NUCKS1: variants seen among roughly 807,000 people sequenced by gnomAD.
NUCKS1 encodes nuclear casein kinase and cyclin dependent kinase substrate 1, also known as nuclear ubiquitous casein and cyclin-dependent kinase substrate 1.
In NUCKS1, 2 loss-of-function variants were observed where a neutral mutation model predicts 33.0. The ratio of observed to expected loss-of-function variants is 0.06; its 90% CI spans 0.02 to 0.19. The LOEUF is 0.19. NUCKS1 is among the 10% of genes least tolerant of loss of function. The probability of loss-of-function intolerance (pLI) is 1.00; values close to 1 mark genes in which losing one functional copy is unlikely to be tolerated. For synonymous variants in NUCKS1, 106 were observed against 102.8 expected (o/e 1.03, Z -0.19); for missense variants, 201 against 293.6 (o/e 0.68, Z 2.31).
chr1:205,739,503 C>T (rs1654113136), intron 1 of NUCKS1, among the ~76,000 whole-genome samples: 1 of 152,012 alleles, frequency 6.6e-6, no homozygotes, highest in Non-Finnish European at 1.5e-5. Flanking sequence ...GACGGGGTCT[C>T]ACTCTGCTGC....
At chr1:205,733,339 G>T (rs1653961112) in intron 1 of NUCKS1, among the ~76,000 whole-genome samples, 1 of 152,200 alleles carries the variant, frequency 6.6e-6, no homozygotes, top group Admixed American at 6.5e-5. Context: ...GAAAGGAGTA[G>T]TAGAGGTACA....
chr1:205,731,657 C>G (rs1329773063), intron 1 of NUCKS1, among the ~76,000 whole-genome samples: 1 of 152,002 alleles, frequency 6.6e-6, no homozygotes, highest in Non-Finnish European at 1.5e-5. Flanking sequence ...TTTGGGAGGC[C>G]GAGGCGGGCA....
At chr1:205,718,565 A>G in intron 6 of NUCKS1, 86 bp from the exon 7 acceptor site, 1 of 1,559,694 alleles carries the variant, frequency 6.4e-7, no homozygotes, top group Non-Finnish European at 8.6e-7. Context: ...AATCTGTAAG[A>G]ATAAAATCTA....
At position 205,717,961 on chromosome 1, in the gene NUCKS1, A is replaced by G; in HGVS notation, c.*319T>C. 1 of 1,022,952 alleles carries G rather than the reference A, an allele frequency of 9.8e-7. No individual in the cohort carries two copies. The highest frequency in any genetic ancestry group is 1.7e-5 in the African/African-American group (1 of 58,494). The allele number at this position is 1,022,952 out of a possible 1,614,324, so 63.4% of individuals were successfully genotyped here. A position where few individuals can be genotyped will look rare whatever the true frequency, so the allele number is the denominator to read the frequency against. On this transcript the variant is annotated 3_prime_UTR_variant, in exon 7 of 7. Coordinates refer to ENST00000367142, the MANE Select transcript of NUCKS1 (RefSeq NM_022731.5). ...CGTGGTACACCTTTCATTAAAAATAAAAAGATGAAGCAGTCAATCCAGTGA... is the reference window on the plus strand; with the variant it reads ...CGTGGTACACCTTTCATTAAAAATAGAAAGATGAAGCAGTCAATCCAGTGA...
intron 3 of NUCKS1, among the ~76,000 whole-genome samples, chr1:205,724,417 G>A (rs1181405626): frequency 6.6e-6 from 1 of 152,152 alleles, no homozygotes; most frequent in Admixed American, 6.5e-5. Flanking sequence ...CTGTAGTCCG[G>A]GCGTGGTGGC....
intron 1 of NUCKS1, among the ~76,000 whole-genome samples, chr1:205,745,318 G>A (rs182744144): frequency 0.018 from 2,710 of 152,000 alleles, 33 homozygotes; most frequent in Non-Finnish European, 0.026. Context: ...GAGCAACATG[G>A]TGAAACCCTG....
In NUCKS1 at chr1:205,718,327, A is replaced by G; in HGVS notation, c.685T>C (p.Ser229Pro). The change falls in exon 7 of 7, where the codon TCT (serine) becomes CCT (proline). Residue 229 changes from serine (S) to proline (P), a missense_variant. Transcript: ENST00000367142. ...KTSTSPPPEK[S>P]GDEGSEDEAP... is the part of the protein sequence containing the mutation. ...TCATCTTCAGACCCTTCATCCCCAG[A>G]TTTCTCGGGTGGGGGGCTTGTAGAT... 1.2e-6 allele frequency: 2 copies of G among 1,610,936 alleles called. No individual in the cohort carries two copies. Among genetic ancestry groups the G allele is most frequent in the Non-Finnish European group, 1.7e-6 (2 of 1,179,440 alleles).
intron 1 of NUCKS1, among the ~76,000 whole-genome samples, 169 bp from the exon 2 acceptor site, chr1:205,729,790 G>A (rs1653863360): frequency 6.6e-6 from 1 of 152,180 alleles, no homozygotes; most frequent in African/African-American, 2.4e-5. Flanking sequence ...GGGAGGCCAA[G>A]GCTGGTGGAT....
chr1:205,748,566 G>C (rs1654388686), intron 1 of NUCKS1, among the ~76,000 whole-genome samples: 1 of 152,236 alleles, frequency 6.6e-6, no homozygotes, highest in Admixed American at 6.5e-5. Flanking sequence ...GAGATCGTGA[G>C]TTACCACAGA....
intron 1 of NUCKS1, among the ~76,000 whole-genome samples, chr1:205,743,589 A>G (rs900273752): frequency 3.9e-5 from 6 of 152,202 alleles, no homozygotes; most frequent in African/African-American, 1.4e-4. Flanking sequence ...GTCTTTTAAT[A>G]CATTGACTCA....
chr1:205,723,279 T>C (rs956674278), intron 4 of NUCKS1, among the ~76,000 whole-genome samples: 1 of 152,180 alleles, frequency 6.6e-6, no homozygotes, highest in Non-Finnish European at 1.5e-5. Context: ...AAAACTAAAG[T>C]GGCTGGAAGT....
chr1:205,729,515 GCTGGTAACCTCCA>G, intron 2 of NUCKS1, 44 bp downstream of exon 2: 1 of 1,110,266 alleles, frequency 9.0e-7, no homozygotes, highest in Non-Finnish European at 1.4e-6. Flanking sequence ...AACTATATAA[GCTGGTAACCTCCA>G]CTGGTCAGTC....
At chr1:205,723,315 T>A (rs991779620) in intron 4 of NUCKS1, among the ~76,000 whole-genome samples, 3 of 152,154 alleles carry the variant, frequency 2.0e-5, no homozygotes, top group Non-Finnish European at 2.9e-5. Flanking sequence ...TCTCAATTCT[T>A]AGAAGATTAA....
intron 1 of NUCKS1, among the ~76,000 whole-genome samples, chr1:205,737,899 G>A (rs553605725): frequency 9.9e-5 from 15 of 152,182 alleles, no homozygotes; most frequent in Non-Finnish European, 1.9e-4. Flanking sequence ...GTAATTATCA[G>A]TTGGATATTA....
At position 205,749,595 on chromosome 1, in the gene NUCKS1, C is replaced by T. The variant is rs1032810083; in HGVS notation, c.17+362G>A. On this transcript the variant is annotated intron_variant, in intron 1 of 6. Coordinates refer to ENST00000367142, the MANE Select transcript of NUCKS1 (RefSeq NM_022731.5). ...TCCGCCCGCCTCCCCGCGCTGGCTC[C>T]AAGGGGACGGCCCCGAGGAGGTGGG... Among the ~76,000 whole-genome samples the T allele has an allele frequency of 2.6e-5, 4 of 152,028 alleles. No homozygotes were observed. In the East Asian group the frequency reaches 5.8e-4, roughly 22 times the overall value.
Position 205,715,751 on chromosome 1 carries a change from T to C in NUCKS1, c.*2529A>G, listed in dbSNP as rs1247906114. The C allele has an allele frequency of 6.6e-6, 1 of 152,228 alleles. No individual in the cohort carries two copies. The highest frequency in any genetic ancestry group is 2.4e-5 in the African/African-American group (1 of 41,450). 9.4% of individuals were successfully genotyped at this position (152,228 alleles called of 1,614,324 possible). ...GAGCACTGCAAAATACGACAGTGAA[T>C]GCTATTGCCATTTCACCATAGGCAC... On this transcript the variant is annotated 3_prime_UTR_variant, in exon 7 of 7. Transcript: ENST00000367142.
intron 1 of NUCKS1, among the ~76,000 whole-genome samples, chr1:205,730,692 T>C (rs1365532308): frequency 6.6e-6 from 1 of 151,844 alleles, no homozygotes; most frequent in Admixed American, 6.6e-5. Context: ...TTTCACCATG[T>C]TGGCCAGGCT....
At chr1:205,739,757 TTTTG>T (rs763538602) in intron 1 of NUCKS1, among the ~76,000 whole-genome samples, 7 of 151,958 alleles carry the variant, frequency 4.6e-5, no homozygotes, top group Non-Finnish European at 8.8e-5. Flanking sequence ...GTCTGGCTGA[TTTTG>T]TTTATTTTTT....
rs1571565264 is a variant in NUCKS1, at chr1:205,715,066, T to C, written c.*3214A>G. 6.6e-6 allele frequency: 1 copy of C among 152,198 alleles called. No homozygotes were observed. Among genetic ancestry groups the C allele is most frequent in the East Asian group, 1.9e-4 (1 of 5,180 alleles). The allele number at this position is 152,198 out of a possible 1,614,324, so 9.4% of individuals were successfully genotyped here. A position where few individuals can be genotyped will look rare whatever the true frequency, so the allele number is the denominator to read the frequency against. On this transcript the variant is annotated 3_prime_UTR_variant, in exon 7 of 7. Transcript: ENST00000367142. ...CAACCAGTACTTGAAAATCCACTTA[T>C]CTGAATGTTCACAGATAAAAAAGCC... is the stretch of plus-strand genomic sequence containing the variant.
Sources: gnomAD v4.1 joint callset for allele counts (sites outside exome capture counted in the v4.1 genomes callset) on GRCh38, gnomAD v4.1.1 for gene constraint, MANE v1.5 for transcripts, NCBI Gene and HGNC (gene_info 2026-07-23, HGNC 2026-07-21) for gene names.